The following HSD17B4 variants were observed in gnomAD, a reference collection of about 807,000 sequenced individuals.
HSD17B4 encodes peroxisomal multifunctional enzyme type 2.
HSD17B4 carries 70 observed loss-of-function variants against 101.0 expected under a neutral mutation model. The observed-to-expected ratio is 0.69, with a 90% CI of 0.57 to 0.85. The LOEUF (loss-of-function observed/expected upper bound fraction) is 0.85. Ranked by LOEUF, HSD17B4 falls within the 40% of genes least tolerant of loss-of-function variation. HSD17B4 has a pLI of 0.00. For synonymous variants in HSD17B4, 347 were observed against 297.1 expected, an observed-to-expected ratio of 1.17 and a Z score of -1.73; for missense variants, 984 against 892.4, an observed-to-expected ratio of 1.10 and a Z score of -1.31.
At chr5:119,460,291 G>T (rs1467189600) in intron 2 of HSD17B4, among the ~76,000 whole-genome samples, 1 of 152,130 alleles carries the variant, frequency 6.6e-6, no homozygotes, top group African/African-American at 2.4e-5. Flanking sequence ...TCTCCGCAAC[G>T]GTAAGTATAG....
chr5:119,505,080 G>T (rs1405706006), intron 14 of HSD17B4, among the ~76,000 whole-genome samples: 1 of 152,100 alleles, frequency 6.6e-6, no homozygotes, highest in Non-Finnish European at 1.5e-5. Context: ...GTTTACTTCT[G>T]GGTTCTCTGT....
At chr5:119,525,602 G>T in intron 18 of HSD17B4, 1 of 515,692 alleles carries the variant, frequency 1.9e-6, no homozygotes, top group East Asian at 3.5e-5. Flanking sequence ...GGTTAGGGAA[G>T]GATCATGTAC....
chr5:119,528,626 T>C (rs1048364773), intron 20 of HSD17B4, among the ~76,000 whole-genome samples: 1 of 152,272 alleles, frequency 6.6e-6, no homozygotes, highest in Non-Finnish European at 1.5e-5. Flanking sequence ...TTGATTAAGA[T>C]TATGAACTCT....
At chr5:119,501,638 A>T (rs1427818764) in intron 13 of HSD17B4, among the ~76,000 whole-genome samples, 1 of 152,104 alleles carries the variant, frequency 6.6e-6, no homozygotes, top group East Asian at 1.9e-4. Context: ...TATTTGGTAT[A>T]TGTGACCTGA....
At chr5:119,512,554 T>C (rs1752271415) in intron 16 of HSD17B4, among the ~76,000 whole-genome samples, 1 of 150,230 alleles carries the variant, frequency 6.7e-6, no homozygotes, top group Admixed American at 6.6e-5. Context: ...GTATTCAGAG[T>C]GCTGAAAGGA....
intron 2 of HSD17B4, among the ~76,000 whole-genome samples, chr5:119,470,549 C>T (rs927842532): frequency 4.6e-5 from 7 of 152,156 alleles, no homozygotes; most frequent in Non-Finnish European, 7.3e-5. Flanking sequence ...ATGGTAATGG[C>T]GACTCTTGGG....
chr5:119,529,594 A>G (rs1423862320), intron 20 of HSD17B4, among the ~76,000 whole-genome samples: 2 of 151,882 alleles, frequency 1.3e-5, no homozygotes, highest in Non-Finnish European at 2.9e-5. Flanking sequence ...CCCAGTCTCT[A>G]TCAGTGTATT....
chr5:119,535,917 A>G (rs1236013512), intron 22 of HSD17B4: 1 of 170,846 alleles, frequency 5.9e-6, no homozygotes, highest in Admixed American at 5.6e-5. Flanking sequence ...GGGGTCTCCA[A>G]GTTTTCAAAT....
intron 16 of HSD17B4, among the ~76,000 whole-genome samples, chr5:119,514,185 G>C (rs940318148): frequency 9.2e-5 from 14 of 152,140 alleles, no homozygotes; most frequent in African/African-American, 3.4e-4. Flanking sequence ...GCTTTTAGAA[G>C]CAGCAACTTC....
intron 2 of HSD17B4, among the ~76,000 whole-genome samples, chr5:119,467,703 G>C (rs187415889): frequency 6.8e-4 from 104 of 152,252 alleles, no homozygotes; most frequent in Non-Finnish European, 1.3e-3. Context: ...GTATTCATAG[G>C]ATATGAAATT....
intron 2 of HSD17B4, among the ~76,000 whole-genome samples, chr5:119,471,890 A>G (rs948832913): frequency 6.6e-6 from 1 of 152,202 alleles, no homozygotes; most frequent in Non-Finnish European, 1.5e-5. Context: ...TACTGTGGCC[A>G]TCGCATACTT....
At chr5:119,479,421 A>T (rs973675295) in intron 8 of HSD17B4, among the ~76,000 whole-genome samples, 1 of 152,314 alleles carries the variant, frequency 6.6e-6, no homozygotes, top group Admixed American at 6.5e-5. Flanking sequence ...TGTTATTAAC[A>T]TCTTTGGTCA....
chr5:119,492,976 G>T (rs1286896461), intron 10 of HSD17B4: 1 of 152,018 alleles, frequency 6.6e-6, no homozygotes, highest in African/African-American at 2.4e-5. Context: ...AGAATTAATG[G>T]TCATTTTCTC....
chr5:119,541,367 A>T (rs914506404), intron 23 of HSD17B4, among the ~76,000 whole-genome samples: 7 of 152,204 alleles, frequency 4.6e-5, no homozygotes, highest in African/African-American at 1.7e-4. Context: ...GAGGCCACGT[A>T]TCTAAGCATT....
At chr5:119,501,153 T>C (rs950573674) in intron 13 of HSD17B4, among the ~76,000 whole-genome samples, 5 of 152,096 alleles carry the variant, frequency 3.3e-5, no homozygotes, top group Admixed American at 2.6e-4. Flanking sequence ...TTAAAACAAA[T>C]GTTTCAAAAT....
intron 2 of HSD17B4, among the ~76,000 whole-genome samples, chr5:119,460,014 G>A (rs1367167770): frequency 6.6e-6 from 1 of 151,892 alleles, no homozygotes; most frequent in Non-Finnish European, 1.5e-5. Flanking sequence ...GGGACTACAG[G>A]TGCCTGCCAC....
At chr5:119,527,603 T>G (rs1020185123) in intron 20 of HSD17B4, among the ~76,000 whole-genome samples, 2 of 152,028 alleles carry the variant, frequency 1.3e-5, no homozygotes, top group Non-Finnish European at 1.5e-5. Flanking sequence ...AGTGAAAACA[T>G]GACAGAAATC....
At chr5:119,502,218 C>T (rs1751236391) in intron 14 of HSD17B4, 126 bp downstream of exon 14, 12 of 697,160 alleles carry the variant, frequency 1.7e-5, no homozygotes, top group South Asian at 1.7e-4. Flanking sequence ...TTGTTATGCA[C>T]ATGTGAGCCA....
intron 10 of HSD17B4, chr5:119,493,239 T>C (rs939444252): frequency 2.0e-5 from 3 of 153,348 alleles, no homozygotes; most frequent in Non-Finnish European, 4.4e-5. Context: ...AAAACAATGT[T>C]AAAAATTCTC....
Sources: gnomAD v4.1 joint callset for allele counts (sites outside exome capture counted in the v4.1 genomes callset) on GRCh38, gnomAD v4.1.1 for gene constraint, MANE v1.5 for transcripts, NCBI Gene and HGNC (gene_info 2026-07-23, HGNC 2026-07-21) for gene names.